CABCOCO1: variants seen among roughly 807,000 people sequenced by gnomAD.
CABCOCO1 encodes the protein ciliary-associated calcium-binding coiled-coil protein 1.
CABCOCO1 carries 28 observed loss-of-function variants against 35.7 expected under a neutral mutation model. The observed-to-expected ratio is 0.78, with a 90% CI of 0.58 to 1.07. CABCOCO1 has a LOEUF of 1.07. CABCOCO1 is among the 50% of genes least tolerant of loss of function. The probability of loss-of-function intolerance (pLI) is 0.00; values close to 1 mark genes in which losing one functional copy is unlikely to be tolerated. For missense variants in CABCOCO1, 326 were observed against 309.2 expected, an observed-to-expected ratio of 1.05 and a Z score of -0.41; for synonymous variants, 95 against 100.1, an observed-to-expected ratio of 0.95 and a Z score of 0.30.
chr10:61,718,995 A>G (rs1220732797), intron 5 of CABCOCO1, among the ~76,000 whole-genome samples: 1 of 152,228 alleles, frequency 6.6e-6, no homozygotes. Flanking sequence ...CATTTTATAA[A>G]CATGCTTTGA....
chr10:61,704,955 C>T (rs1223862067), intron 5 of CABCOCO1, among the ~76,000 whole-genome samples: 3 of 151,878 alleles, frequency 2.0e-5, no homozygotes, highest in Non-Finnish European at 4.4e-5. Flanking sequence ...CCATGAATGG[C>T]TTGTCTCCCA....
intron 3 of CABCOCO1, among the ~76,000 whole-genome samples, chr10:61,682,510 T>C (rs1156719229): frequency 1.3e-5 from 2 of 152,196 alleles, no homozygotes; most frequent in Non-Finnish European, 2.9e-5. Context: ...GCCAGGTCCA[T>C]AGACCTAGAT....
intron 5 of CABCOCO1, among the ~76,000 whole-genome samples, chr10:61,722,653 A>G (rs1010491675): frequency 1.3e-5 from 2 of 152,058 alleles, no homozygotes; most frequent in Admixed American, 6.5e-5. Flanking sequence ...AAGTGGTAGA[A>G]CTCATAAATT....
At chr10:61,682,149 TA>T (rs1839811851) in intron 3 of CABCOCO1, among the ~76,000 whole-genome samples, 1 of 152,210 alleles carries the variant, frequency 6.6e-6, no homozygotes, top group African/African-American at 2.4e-5. Context: ...ATTTCTTTTT[TA>T]AACTTTTCCT....
chr10:61,766,083 T>G lies in CABCOCO1; in HGVS notation c.*70T>G. The G allele has an allele frequency of 4.4e-6, 6 of 1,373,768 alleles. No individual in the cohort carries two copies. The highest frequency in any genetic ancestry group is 6.1e-6 in the Non-Finnish European group (6 of 982,784). The allele number at this position is 1,373,768 out of a possible 1,614,324, so 85.1% of individuals were successfully genotyped here. ...CAAAACCAGCCAGAATAACAGACTC[T>G]CTGGAGCGTCGTGTCTCCATCACTT... On this transcript the variant is annotated 3_prime_UTR_variant, in exon 8 of 8. Transcript: ENST00000648843.
chr10:61,680,639 TATATA>T (rs1564532554), intron 2 of CABCOCO1, among the ~76,000 whole-genome samples: 1 of 69,166 alleles, frequency 1.4e-5, no homozygotes, highest in Non-Finnish European at 3.0e-5. Context: ...ATGTTATACA[TATATA>T]ATATATATTA....
intron 7 of CABCOCO1, among the ~76,000 whole-genome samples, chr10:61,762,968 C>T (rs1842037179): frequency 6.6e-6 from 1 of 152,046 alleles, no homozygotes; most frequent in African/African-American, 2.4e-5. Context: ...TTATTTTCCA[C>T]TTCTAAAACC....
At chr10:61,739,545 T>C (rs890668707) in intron 5 of CABCOCO1, among the ~76,000 whole-genome samples, 2 of 146,288 alleles carry the variant, frequency 1.4e-5, no homozygotes, top group African/African-American at 5.0e-5. Context: ...TAACAACATT[T>C]TGAAATGAAA....
chr10:61,757,692 CACACACAG>C (rs1554826832), intron 5 of CABCOCO1, among the ~76,000 whole-genome samples: 1 of 70,812 alleles, frequency 1.4e-5, no homozygotes, highest in African/African-American at 5.0e-5. Context: ...AGTACACACA[CACACACAG>C]ACACACACAC....
intron 1 of CABCOCO1, among the ~76,000 whole-genome samples, chr10:61,672,222 A>G (rs981348529): frequency 1.1e-4 from 17 of 152,128 alleles, no homozygotes; most frequent in African/African-American, 4.1e-4. Context: ...TGAATGCCGC[A>G]TGTATTATGG....
chr10:61,675,296 C>G (rs1370055221), intron 2 of CABCOCO1, among the ~76,000 whole-genome samples: 1 of 152,132 alleles, frequency 6.6e-6, no homozygotes, highest in East Asian at 1.9e-4. Flanking sequence ...ACTTTGCATT[C>G]AAACCATAGC....
intron 2 of CABCOCO1, among the ~76,000 whole-genome samples, chr10:61,679,352 T>C (rs1490503968): frequency 6.6e-6 from 1 of 151,100 alleles, no homozygotes; most frequent in African/African-American, 2.4e-5. Flanking sequence ...TCTATCTATC[T>C]GCTTAATCTC....
chr10:61,714,445 T>A (rs952258757), intron 5 of CABCOCO1, among the ~76,000 whole-genome samples: 1 of 151,290 alleles, frequency 6.6e-6, no homozygotes, highest in African/African-American at 2.5e-5. Context: ...ATTTTGTTGA[T>A]CTTTTCAAAA....
At chr10:61,692,486 GGGACA>G (rs1196010517) in intron 5 of CABCOCO1, among the ~76,000 whole-genome samples, 1 of 152,114 alleles carries the variant, frequency 6.6e-6, no homozygotes, top group Non-Finnish European at 1.5e-5. Flanking sequence ...AGAAGTACCA[GGGACA>G]GGAGTGGCCA....
chr10:61,705,503 A>G (rs1160597180), intron 5 of CABCOCO1, among the ~76,000 whole-genome samples: 1 of 152,216 alleles, frequency 6.6e-6, no homozygotes, highest in Non-Finnish European at 1.5e-5. Context: ...GGCTAGTAAA[A>G]CAAACACAGT....
intron 5 of CABCOCO1, among the ~76,000 whole-genome samples, chr10:61,726,070 C>G (rs1841141449): frequency 6.6e-6 from 1 of 152,116 alleles, no homozygotes; most frequent in African/African-American, 2.4e-5. Flanking sequence ...GATTCCACTA[C>G]AGTGCGATTT....
rs1255796342 is a variant in CABCOCO1, at chr10:61,708,925, C to T, written c.552+18304C>T. Reference sequence around the variant, plus strand: ...TATAGACACTGAAATAAATGTTGTCCATGATGGACTACGCATAAACTTCTA... The same window carrying T: ...TATAGACACTGAAATAAATGTTGTCTATGATGGACTACGCATAAACTTCTA... On this transcript the variant is annotated intron_variant, in intron 5 of 7. Coordinates refer to ENST00000648843, the MANE Select transcript of CABCOCO1 (RefSeq NM_001366906.2). Among the ~76,000 whole-genome samples the T allele has an allele frequency of 3.9e-5, 6 of 152,186 alleles. No homozygotes were observed. In the East Asian group the frequency reaches 1.2e-3, roughly 29 times the overall value.
chr10:61,729,359 GA>G lies in CABCOCO1; in HGVS notation c.553-30691del, dbSNP rs984420469. On this transcript the variant is annotated intron_variant, in intron 5 of 7. Transcript: ENST00000648843. The stretch of plus-strand genomic sequence containing the variant: ...AGACAAATAGCCAACAGGTATATGG[GA>G]AAAAAAAATGTTCAATGTCACCAAT... Among the ~76,000 whole-genome samples, 74 of 151,090 alleles carry G rather than the reference GA, an allele frequency of 4.9e-4. 3 individuals carry two copies. Among genetic ancestry groups the G allele is most frequent in the Middle Eastern group, 3.4e-3 (1 of 290 alleles).
chr10:61,665,656 G>C (rs934345402), intron 1 of CABCOCO1, among the ~76,000 whole-genome samples: 3 of 151,988 alleles, frequency 2.0e-5, no homozygotes, highest in Non-Finnish European at 4.4e-5. Context: ...GGGAGGCCGA[G>C]GCGGGCGGAT....
Sources: allele counts gnomAD v4.1 joint callset (sites outside exome capture counted in the v4.1 genomes callset), GRCh38; gene constraint gnomAD v4.1.1; transcripts MANE v1.5; gene names NCBI Gene and HGNC (gene_info 2026-07-23, HGNC 2026-07-21).